LRRTM4: variants seen among roughly 807,000 people sequenced by gnomAD.
LRRTM4 encodes leucine rich repeat transmembrane neuronal 4, also known as leucine-rich repeat transmembrane neuronal protein 4.
In LRRTM4, 25 loss-of-function variants were observed where a neutral mutation model predicts 47.6. The observed-to-expected ratio is 0.53, with a 90% CI of 0.38 to 0.73. LRRTM4 has a LOEUF of 0.73. Among genes scored for constraint, LRRTM4 ranks in the 30% least tolerant of loss-of-function variants. The pLI is 0.00. For synonymous variants in LRRTM4, 311 were observed against 269.5 expected (o/e 1.15, Z -1.51); for missense variants, 638 against 713.4 (o/e 0.89, Z 1.20).
chr2:76,832,631 C>G (rs1022736512), intron 3 of LRRTM4, among the ~76,000 whole-genome samples: 2 of 151,978 alleles, frequency 1.3e-5, no homozygotes, highest in African/African-American at 4.8e-5. Context: ...TTAAAATGAG[C>G]TTATCTCCAT....
intron 3 of LRRTM4, among the ~76,000 whole-genome samples, chr2:77,137,614 A>T (rs1325096221): frequency 6.6e-6 from 1 of 152,186 alleles, no homozygotes; most frequent in Admixed American, 6.5e-5. Flanking sequence ...GATCAAATTC[A>T]CACATAACAA....
chr2:77,402,440 C>T (rs903810917), intron 3 of LRRTM4, among the ~76,000 whole-genome samples: 14 of 151,958 alleles, frequency 9.2e-5, no homozygotes, highest in Admixed American at 2.6e-4. Context: ...TTAGCCACTG[C>T]TCCTGGATGA....
Position 77,182,681 on chromosome 2 carries a change from T to G in LRRTM4, c.1551+335637A>C, listed in dbSNP as rs369682724. Among the ~76,000 whole-genome samples the G allele has an allele frequency of 1.1e-3, 170 of 152,296 alleles. 1 individual carries two copies. Among genetic ancestry groups the G allele is most frequent in the African/African-American group, 3.9e-3 (162 of 41,564 alleles). On this transcript the variant is annotated intron_variant, in intron 3 of 3. Transcript: ENST00000409884. ...TTCTAATTGAATTCTCCTGCCTGAT[T>G]GCCCTGGCCAGAACTTCCAACACTA...
chr2:76,766,236 T>G (rs1673451020), intron 3 of LRRTM4, among the ~76,000 whole-genome samples: 1 of 152,210 alleles, frequency 6.6e-6, no homozygotes, highest in African/African-American at 2.4e-5. Flanking sequence ...GTTATACATG[T>G]GGCGAATTGT....
chr2:77,161,622 C>CA (rs968649883), intron 3 of LRRTM4, among the ~76,000 whole-genome samples: 5 of 150,850 alleles, frequency 3.3e-5, no homozygotes, highest in African/African-American at 9.7e-5. Context: ...TGCCAATCTC[C>CA]AAAAAAAAAT....
intron 3 of LRRTM4, among the ~76,000 whole-genome samples, chr2:77,122,697 C>T (rs1671551591): frequency 6.6e-6 from 1 of 151,536 alleles, no homozygotes; most frequent in Non-Finnish European, 1.5e-5. Context: ...AAATTTTTTT[C>T]CTCATGGGAC....
At chr2:77,051,737 C>T (rs1447816095) in intron 3 of LRRTM4, among the ~76,000 whole-genome samples, 1 of 152,132 alleles carries the variant, frequency 6.6e-6, no homozygotes, top group East Asian at 1.9e-4. Context: ...TTAGCATTAA[C>T]TATTTACATA....
intron 3 of LRRTM4, chr2:77,517,696 A>C (rs1679264952): frequency 6.9e-6 from 1 of 143,966 alleles, no homozygotes; most frequent in Non-Finnish European, 8.5e-6. Context: ...AGAAGGAAAC[A>C]AAAAAAAAAA....
chr2:77,272,401 G>C (rs545280515), intron 3 of LRRTM4, among the ~76,000 whole-genome samples: 49 of 152,260 alleles, frequency 3.2e-4, no homozygotes, highest in Non-Finnish European at 8.8e-5. Flanking sequence ...GGGATGTTGG[G>C]AAAGGAAGAA....
intron 3 of LRRTM4, among the ~76,000 whole-genome samples, chr2:76,798,176 C>T (rs150409963): frequency 1.3e-5 from 2 of 152,012 alleles, no homozygotes; most frequent in Non-Finnish European, 2.9e-5. Flanking sequence ...CACACCTATT[C>T]CAAAATTGAC....
chr2:76,760,627 G>A (rs971509930), intron 3 of LRRTM4, among the ~76,000 whole-genome samples: 3 of 152,044 alleles, frequency 2.0e-5, no homozygotes, highest in Admixed American at 6.6e-5. Context: ...TCAAATCTCG[G>A]TGTATCCAAT....
At chr2:76,987,498 A>G (rs940443565) in intron 3 of LRRTM4, 1 of 151,834 alleles carries the variant, frequency 6.6e-6, no homozygotes, top group African/African-American at 2.4e-5. Context: ...AAGACATGTG[A>G]GTTTCTATAT....
intron 3 of LRRTM4, among the ~76,000 whole-genome samples, chr2:77,029,060 T>C (rs946978275): frequency 6.9e-6 from 1 of 145,052 alleles, no homozygotes; most frequent in African/African-American, 2.5e-5. Context: ...CAAATATATA[T>C]ATATATATAT....
At position 77,056,815 on chromosome 2, in the gene LRRTM4, C is replaced by G. The variant is rs117393544; in HGVS notation, c.1552-307899G>C. On this transcript the variant is annotated intron_variant, in intron 3 of 3. Transcript: ENST00000409884. Reference sequence around the variant, plus strand: ...GTTTGGTGGGAAAATTCTGCTTATTCTCTAATTTCCCTTCACACCCTAAAT... The same window carrying G: ...GTTTGGTGGGAAAATTCTGCTTATTGTCTAATTTCCCTTCACACCCTAAAT... Among the ~76,000 whole-genome samples the G allele has an allele frequency of 5.3e-4, 80 of 152,276 alleles. 1 individual carries two copies. The East Asian group carries it at 0.011, about 21-fold the overall frequency.
intron 3 of LRRTM4, among the ~76,000 whole-genome samples, chr2:77,446,959 A>G (rs1272412605): frequency 6.6e-6 from 1 of 152,190 alleles, no homozygotes; most frequent in Non-Finnish European, 1.5e-5. Context: ...GTCATTTTAC[A>G]GTTTATAAGA....
chr2:77,464,156 C>T (rs1050404246), intron 3 of LRRTM4, among the ~76,000 whole-genome samples: 13 of 152,018 alleles, frequency 8.6e-5, no homozygotes, highest in African/African-American at 3.1e-4. Context: ...TTATGCAGAA[C>T]CTAGGAAGGG....
intron 3 of LRRTM4, among the ~76,000 whole-genome samples, chr2:77,169,884 G>A (rs1360387869): frequency 6.6e-6 from 1 of 152,124 alleles, no homozygotes; most frequent in African/African-American, 2.4e-5. Context: ...TTCAATTTGT[G>A]TAAAGTTTTT....
At position 76,990,213 on chromosome 2, in the gene LRRTM4, T is replaced by C. The variant is rs185425747; in HGVS notation, c.1552-241297A>G. Among the ~76,000 whole-genome samples, 612 of 151,894 alleles carry C rather than the reference T, an allele frequency of 4.0e-3. 6 individuals are homozygous for C. The highest frequency in any genetic ancestry group is 0.013 in the African/African-American group (546 of 41,528). On this transcript the variant is annotated intron_variant, in intron 3 of 3. Transcript: ENST00000409884. ...TCCACCTATGAAAAAGTAGACTTCCTTTTGCTTTCTAAAAAGACGGTGGGA... is the reference window on the plus strand; with the variant it reads ...TCCACCTATGAAAAAGTAGACTTCCCTTTGCTTTCTAAAAAGACGGTGGGA...
chr2:77,232,845 T>G (rs935018732), intron 3 of LRRTM4, among the ~76,000 whole-genome samples: 3 of 152,230 alleles, frequency 2.0e-5, no homozygotes, highest in Admixed American at 1.3e-4. Flanking sequence ...TAAGATCATA[T>G]CATTTTTCAT....
Sources: allele counts gnomAD v4.1 joint callset (sites outside exome capture counted in the v4.1 genomes callset), GRCh38; gene constraint gnomAD v4.1.1; transcripts MANE v1.5; gene names NCBI Gene and HGNC (gene_info 2026-07-23, HGNC 2026-07-21).